The following CNTN5 variants were observed in gnomAD, a reference collection of about 807,000 sequenced individuals.
CNTN5 encodes the protein contactin-5.
In CNTN5, 77 loss-of-function variants were observed where a neutral mutation model predicts 129.1. The ratio of observed to expected loss-of-function variants is 0.60; its 90% confidence interval spans 0.50 to 0.72. The LOEUF is 0.72. CNTN5 is among the 30% of genes least tolerant of loss of function. CNTN5 has a pLI of 0.00. For missense variants in CNTN5, 1,478 were observed against 1,328.8 expected (o/e 1.11, Z -1.75); for synonymous variants, 509 against 465.6 (o/e 1.09, Z -1.20).
At chr11:99,710,652 A>G (rs905302049) in intron 3 of CNTN5, among the ~76,000 whole-genome samples, 2 of 149,062 alleles carry the variant, frequency 1.3e-5, no homozygotes, top group Non-Finnish European at 3.0e-5. Flanking sequence ...CAAATCTGAC[A>G]TTTTTTTTTA....
chr11:99,661,538 T>C (rs546807361), intron 3 of CNTN5, among the ~76,000 whole-genome samples: 159 of 152,240 alleles, frequency 1.0e-3, no homozygotes, highest in African/African-American at 3.6e-3. Flanking sequence ...TTACTATATG[T>C]GTATATGCAT....
intron 1 of CNTN5, among the ~76,000 whole-genome samples, chr11:99,081,644 C>G (rs1865801642): frequency 6.6e-6 from 1 of 152,164 alleles, no homozygotes; most frequent in Non-Finnish European, 1.5e-5. Flanking sequence ...TTCTTAGTCT[C>G]TTTCCAGTTA....
intron 10 of CNTN5, 21 bp downstream of exon 10, chr11:100,061,414 A>G (rs3758923): frequency 6.6e-7 from 1 of 1,516,692 alleles, no homozygotes; most frequent in Non-Finnish European, 9.0e-7. Flanking sequence ...TCAGCAAAGC[A>G]TGATTGCTCT....
chr11:99,543,689 G>C (rs950285025), intron 2 of CNTN5, among the ~76,000 whole-genome samples: 11 of 152,018 alleles, frequency 7.2e-5, no homozygotes, highest in African/African-American at 9.7e-5. Flanking sequence ...AGGCTGAGGT[G>C]GGTGGATCAC....
At chr11:99,262,176 C>T (rs541180450) in intron 1 of CNTN5, among the ~76,000 whole-genome samples, 1 of 152,012 alleles carries the variant, frequency 6.6e-6, no homozygotes, top group South Asian at 2.1e-4. Flanking sequence ...ATGACTTTCA[C>T]CTCTAACAGT....
chr11:99,557,733 C>G (rs2135542040), intron 3 of CNTN5, among the ~76,000 whole-genome samples: 1 of 149,446 alleles, frequency 6.7e-6, no homozygotes, highest in South Asian at 2.1e-4. Flanking sequence ...ACTGAAAAGG[C>G]AATCCTCAAC....
chr11:99,538,208 C>T (rs981521552), intron 2 of CNTN5, among the ~76,000 whole-genome samples: 4 of 152,156 alleles, frequency 2.6e-5, no homozygotes, highest in African/African-American at 9.7e-5. Flanking sequence ...CCTTTGGGAT[C>T]ATGCCATCAT....
At chr11:99,310,335 T>G (rs991408341) in intron 1 of CNTN5, among the ~76,000 whole-genome samples, 1 of 152,132 alleles carries the variant, frequency 6.6e-6, no homozygotes, top group Non-Finnish European at 1.5e-5. Context: ...TGTTATGAAC[T>G]ATAAACAAAT....
intron 2 of CNTN5, among the ~76,000 whole-genome samples, chr11:99,500,772 G>A (rs921740325): frequency 6.6e-6 from 1 of 152,016 alleles, no homozygotes; most frequent in African/African-American, 2.4e-5. Flanking sequence ...ATTTGCAGAT[G>A]TCCTATCTAC....
At chr11:99,462,368 T>TC (rs1944743372) in intron 2 of CNTN5, among the ~76,000 whole-genome samples, 1 of 148,624 alleles carries the variant, frequency 6.7e-6, no homozygotes, top group South Asian at 2.1e-4. Context: ...TTCTTTTTTT[T>TC]TTTTTTTTAC....
intron 2 of CNTN5, among the ~76,000 whole-genome samples, chr11:99,390,588 C>T (rs1441459682): frequency 6.6e-6 from 1 of 152,062 alleles, no homozygotes; most frequent in Non-Finnish European, 1.5e-5. Context: ...GAATTTTTAT[C>T]CATTTGCGTA....
intron 3 of CNTN5, among the ~76,000 whole-genome samples, chr11:99,706,340 A>G (rs556946190): frequency 6.6e-6 from 1 of 151,612 alleles, no homozygotes; most frequent in African/African-American, 2.4e-5. Context: ...TTATTAAAAT[A>G]TGTTCCCTAC....
At chr11:99,171,151 T>A (rs1414555829) in intron 1 of CNTN5, among the ~76,000 whole-genome samples, 1 of 152,194 alleles carries the variant, frequency 6.6e-6, no homozygotes, top group Non-Finnish European at 1.5e-5. Flanking sequence ...CTGCATTTCA[T>A]GAGTTTTGTA....
chr11:99,956,896 A>G lies in CNTN5; in HGVS notation c.764A>G (p.Tyr255Cys). The G allele has an allele frequency of 6.2e-7, 1 of 1,613,908 alleles. No homozygotes were observed. The highest frequency in any genetic ancestry group is 1.3e-5 in the African/African-American group (1 of 75,040). ...RFISQETGNLYISKVQTSDVG... is the reference protein window; with the variant it reads ...RFISQETGNLCISKVQTSDVG... Reference sequence around the variant, plus strand: ...ATCTCCCAGGAGACAGGCAACCTTTATATTTCTAAAGTCCAAACATCAGAT... The same window carrying G: ...ATCTCCCAGGAGACAGGCAACCTTTGTATTTCTAAAGTCCAAACATCAGAT... Residue 255 changes from tyrosine to cysteine, a missense_variant, in exon 8 of 25, where the codon TAT becomes TGT. By Grantham distance (194) the Tyr-to-Cys change is radical (BLOSUM62 -2). Coordinates refer to ENST00000524871, the MANE Select transcript of CNTN5 (RefSeq NM_014361.4).
intron 2 of CNTN5, among the ~76,000 whole-genome samples, chr11:99,431,395 C>G (rs1943364728): frequency 6.6e-6 from 1 of 152,116 alleles, no homozygotes; most frequent in South Asian, 2.1e-4. Flanking sequence ...AAAGGAGCTG[C>G]TAGCCATCCA....
At chr11:99,097,339 G>T (rs1401746388) in intron 1 of CNTN5, among the ~76,000 whole-genome samples, 1 of 151,706 alleles carries the variant, frequency 6.6e-6, no homozygotes, top group African/African-American at 2.4e-5. Flanking sequence ...GAAAAGAGAA[G>T]AACAAGCAAA....
intron 3 of CNTN5, among the ~76,000 whole-genome samples, chr11:99,715,187 A>G (rs1037628137): frequency 6.6e-6 from 1 of 152,038 alleles, no homozygotes; most frequent in African/African-American, 2.4e-5. Flanking sequence ...ATTAGAGAAG[A>G]AGCTGAATAA....
intron 2 of CNTN5, among the ~76,000 whole-genome samples, chr11:99,355,316 C>T (rs1938569206): frequency 6.6e-6 from 1 of 152,122 alleles, no homozygotes; most frequent in African/African-American, 2.4e-5. Flanking sequence ...CATATGTCCT[C>T]GAATACTAAA....
At chr11:99,935,090 T>C (rs1253809888) in intron 7 of CNTN5, among the ~76,000 whole-genome samples, 2 of 150,890 alleles carry the variant, frequency 1.3e-5, no homozygotes, top group Admixed American at 6.6e-5. Context: ...TAGATGTATA[T>C]CTATATCAAT....
Sources: gnomAD v4.1 joint callset for allele counts (sites outside exome capture counted in the v4.1 genomes callset) on GRCh38, gnomAD v4.1.1 for gene constraint, MANE v1.5 for transcripts, NCBI Gene and HGNC (gene_info 2026-07-23, HGNC 2026-07-21) for gene names.